Variants in NOS1AP observed in about 807,000 individuals in gnomAD.
The protein encoded by NOS1AP is nitric oxide synthase 1 adaptor protein, also known as carboxyl-terminal PDZ ligand of neuronal nitric oxide synthase protein.
A neutral mutation model predicts 56.2 loss-of-function variants in NOS1AP; 21 were observed. That is an observed-to-expected ratio of 0.37 (90% CI 0.26 to 0.54). NOS1AP has a LOEUF of 0.54. Among genes scored for constraint, NOS1AP ranks in the 20% least tolerant of loss-of-function variants. The pLI is 0.84. For missense variants in NOS1AP, 522 were observed against 657.8 expected (o/e 0.79, Z 2.26); for synonymous variants, 270 against 274.6 (o/e 0.98, Z 0.17).
intron 2 of NOS1AP, among the ~76,000 whole-genome samples, chr1:162,238,826 G>T (rs1653389062): frequency 6.6e-6 from 1 of 152,190 alleles, no homozygotes; most frequent in African/African-American, 2.4e-5. Flanking sequence ...GCATAAAAAA[G>T]TTGGAGGGAA....
intron 1 of NOS1AP, among the ~76,000 whole-genome samples, chr1:162,135,395 A>G (rs12090621): frequency 0.01 from 1,557 of 152,278 alleles, 26 homozygotes; most frequent in African/African-American, 0.036. Flanking sequence ...GGCTCTTGGA[A>G]TTGTGGGAAG....
chr1:162,120,687 G>A lies in NOS1AP; in HGVS notation c.106-33718G>A, dbSNP rs56715266. Among the ~76,000 whole-genome samples the A allele has an allele frequency of 3.8e-3, 582 of 151,588 alleles. 11 individuals are homozygous for A. In the East Asian group the frequency reaches 0.057, roughly 15 times the overall value. ...ACCATGAGAACAGTATGGGGGAACC[G>A]CCCCCCCCATGATTCGATTATCTCC... On this transcript the variant is annotated intron_variant, in intron 1 of 9. Coordinates refer to ENST00000361897, the MANE Select transcript of NOS1AP (RefSeq NM_014697.3).
intron 8 of NOS1AP, chr1:162,364,856 C>T: frequency 1.0e-6 from 1 of 992,236 alleles, no homozygotes. Context: ...CTTCCTATTT[C>T]TCACTATGTT....
At chr1:162,221,534 GCACA>G (rs35920520) in intron 2 of NOS1AP, among the ~76,000 whole-genome samples, 7,108 of 73,298 alleles carry the variant, frequency 0.097, 215 homozygotes, top group Non-Finnish European at 0.13. Flanking sequence ...ACACACGCGC[GCACA>G]CACACACACA....
chr1:162,252,416 G>C (rs960135890), intron 2 of NOS1AP, among the ~76,000 whole-genome samples: 6 of 152,104 alleles, frequency 3.9e-5, no homozygotes, highest in African/African-American at 1.4e-4. Flanking sequence ...GAAATTCCTT[G>C]GGCATGCACA....
Position 162,070,151 on chromosome 1 carries a change from G to C in NOS1AP, c.-27G>C. The C allele has an allele frequency of 6.3e-7, 1 of 1,598,356 alleles. No individual in the cohort carries two copies. Among genetic ancestry groups the C allele is most frequent in the Non-Finnish European group, 8.6e-7 (1 of 1,166,130 alleles). On this transcript the variant is annotated 5_prime_UTR_variant, in exon 1 of 10. Transcript: ENST00000361897. ...GCCCCTTCCTGCAGCCGCCGCCTCCGAAGGAGCGGGTCCGCCGCGGGTAAC... is the reference window on the plus strand; with the variant it reads ...GCCCCTTCCTGCAGCCGCCGCCTCCCAAGGAGCGGGTCCGCCGCGGGTAAC...
chr1:162,326,454 G>T (rs1393300865), intron 4 of NOS1AP, among the ~76,000 whole-genome samples: 1 of 152,196 alleles, frequency 6.6e-6, no homozygotes, highest in African/African-American at 2.4e-5. Context: ...ATATGTGTGG[G>T]TGTGCATGCT....
chr1:162,370,353 T>C lies in NOS1AP; in HGVS notation c.*2886T>C, dbSNP rs1300122714. ...ACTAGCACTCTACTTCCTAAAGCTG[T>C]TGTGTCATTAACTCTGTTGGATCAA... On this transcript the variant is annotated 3_prime_UTR_variant, in exon 10 of 10. Coordinates refer to ENST00000361897, the MANE Select transcript of NOS1AP (RefSeq NM_014697.3). 1.3e-5 allele frequency: 2 copies of C among 152,204 alleles called. No homozygotes were observed. Among genetic ancestry groups the C allele is most frequent in the African/African-American group, 4.8e-5 (2 of 41,452 alleles). 9.4% of individuals were successfully genotyped at this position (152,204 alleles called of 1,614,324 possible).
intron 2 of NOS1AP, among the ~76,000 whole-genome samples, chr1:162,285,432 A>C (rs1276024358): frequency 6.6e-6 from 1 of 152,226 alleles, no homozygotes; most frequent in Non-Finnish European, 1.5e-5. Flanking sequence ...TTCATCCAGC[A>C]CTGCAGCTGA....
intron 2 of NOS1AP, among the ~76,000 whole-genome samples, chr1:162,240,623 G>A (rs1653461473): frequency 6.6e-6 from 1 of 152,158 alleles, no homozygotes; most frequent in Admixed American, 6.5e-5. Flanking sequence ...AACTACAAAC[G>A]TGGAGTAAAG....
chr1:162,259,374 G>A (rs1654135916), intron 2 of NOS1AP, among the ~76,000 whole-genome samples: 1 of 152,106 alleles, frequency 6.6e-6, no homozygotes, highest in African/African-American at 2.4e-5. Context: ...TTTCATATTT[G>A]TATAAATAAT....
intron 4 of NOS1AP, among the ~76,000 whole-genome samples, chr1:162,322,485 G>T (rs1272965672): frequency 2.0e-5 from 3 of 152,210 alleles, no homozygotes; most frequent in Admixed American, 2.0e-4. Flanking sequence ...CAGGTGGCAT[G>T]AGAGGTATGG....
At position 162,078,593 on chromosome 1, in the gene NOS1AP, C is replaced by T. The variant is rs183787854; in HGVS notation, c.105+8311C>T. Among the ~76,000 whole-genome samples, 162 of 152,262 alleles carry T rather than the reference C, an allele frequency of 1.1e-3. 1 individual carries two copies. The highest frequency in any genetic ancestry group is 1.4e-3 in the Non-Finnish European group (93 of 68,030). On this transcript the variant is annotated intron_variant, in intron 1 of 9. Transcript: ENST00000361897. ...CCATCAATAACCTTCTGAAGGCCTC[C>T]AGTGTCCCACTTGTTCTCTGATCCC...
chr1:162,298,177 G>A (rs1258843283), intron 3 of NOS1AP, among the ~76,000 whole-genome samples: 1 of 152,232 alleles, frequency 6.6e-6, no homozygotes, highest in Non-Finnish European at 1.5e-5. Flanking sequence ...TTGCTGGGCT[G>A]TAATGAGGTG....
intron 1 of NOS1AP, among the ~76,000 whole-genome samples, chr1:162,126,117 G>A (rs138709992): frequency 3.9e-5 from 6 of 152,238 alleles, no homozygotes; most frequent in African/African-American, 1.4e-4. Context: ...ATTGATTTAT[G>A]TACATGGATT....
chr1:162,106,815 C>G (rs1647527122), intron 1 of NOS1AP, among the ~76,000 whole-genome samples: 1 of 152,138 alleles, frequency 6.6e-6, no homozygotes, highest in South Asian at 2.1e-4. Context: ...TAAAGCTGAT[C>G]TATTAATATG....
At chr1:162,231,603 T>G (rs1653127895) in intron 2 of NOS1AP, among the ~76,000 whole-genome samples, 1 of 152,214 alleles carries the variant, frequency 6.6e-6, no homozygotes, top group Admixed American at 6.5e-5. Context: ...TTTTATGTTT[T>G]TGCACTAATG....
chr1:162,268,257 G>GA (rs757606072), intron 2 of NOS1AP, among the ~76,000 whole-genome samples: 1,416 of 131,358 alleles, frequency 0.011, 18 homozygotes, highest in African/African-American at 0.033. Context: ...CTGTCTATAG[G>GA]AAAAAAAAAA....
In NOS1AP at chr1:162,162,245, A is replaced by T. The variant is rs909530234; in HGVS notation, c.177+7769A>T. Among the ~76,000 whole-genome samples the T allele has an allele frequency of 4.6e-5, 7 of 152,200 alleles. No homozygotes were observed. The South Asian group carries it at 1.2e-3, about 27-fold the overall frequency. ...TATGCCCTGAAGAAAAATAACAGAA[A>T]ATTTTATATATAATGAATTCTAATA... is the stretch of plus-strand genomic sequence containing the variant. On this transcript the variant is annotated intron_variant, in intron 2 of 9. Transcript: ENST00000361897.
Sources: allele counts gnomAD v4.1 joint callset (sites outside exome capture counted in the v4.1 genomes callset), GRCh38; gene constraint gnomAD v4.1.1; transcripts MANE v1.5; gene names NCBI Gene and HGNC (gene_info 2026-07-23, HGNC 2026-07-21).